RALGAPB: variants seen among roughly 807,000 people sequenced by gnomAD.
The protein encoded by RALGAPB is Ral GTPase activating protein non-catalytic subunit beta.
In RALGAPB, 25 loss-of-function variants were observed where a neutral mutation model predicts 161.1. The observed-to-expected ratio is 0.16, with a 90% CI of 0.11 to 0.22. RALGAPB has a LOEUF of 0.22. Ranked by LOEUF, RALGAPB falls within the 10% of genes least tolerant of loss-of-function variation. The pLI, the probability that RALGAPB is intolerant of heterozygous loss-of-function variation, is 1.00. For missense variants in RALGAPB, 1,391 were observed against 1,815.2 expected (o/e 0.77, Z 4.25); for synonymous variants, 629 against 626.1 (o/e 1.00, Z -0.07).
At chr20:38,566,568 A>AT (rs1487398402) in intron 25 of RALGAPB, among the ~76,000 whole-genome samples, 3 of 151,932 alleles carry the variant, frequency 2.0e-5, no homozygotes, top group Non-Finnish European at 4.4e-5. Flanking sequence ...ATATTTGGGG[A>AT]TTTTTTTGGA....
Position 38,539,877 on chromosome 20 carries a change from G to A in RALGAPB, c.2481G>A (p.Arg827=), listed in dbSNP as rs145323766. The part of the protein sequence containing the change: ...QCSRPAPLHS[R]DLHSMIVAAF... Reference sequence around the variant, plus strand: ...GTCGGCCAGCTCCTTTACACTCCAGGGATCTGCACTCCATGATAGTGGCAG... The same window carrying A: ...GTCGGCCAGCTCCTTTACACTCCAGAGATCTGCACTCCATGATAGTGGCAG... The change falls in exon 17 of 30, where the codon AGG becomes AGA. Residue 827 remains arginine, a synonymous_variant. Transcript: ENST00000262879. 15 of 1,614,036 alleles carry A rather than the reference G, an allele frequency of 9.3e-6. No individual in the cohort carries two copies. In the East Asian group the frequency reaches 1.1e-4, roughly 12 times the overall value.
At chr20:38,553,200 G>A (rs528963247) in intron 21 of RALGAPB, among the ~76,000 whole-genome samples, 5 of 152,178 alleles carry the variant, frequency 3.3e-5, no homozygotes, top group Non-Finnish European at 7.3e-5. Flanking sequence ...GGCCAAAATT[G>A]TGAAGGTTGA....
intron 15 of RALGAPB, among the ~76,000 whole-genome samples, chr20:38,534,156 A>AT: frequency 6.6e-6 from 1 of 151,112 alleles, no homozygotes; most frequent in South Asian, 2.1e-4. Context: ...AAAAAAAAAA[A>AT]CAGAAAACAA....
intron 16 of RALGAPB, among the ~76,000 whole-genome samples, chr20:38,536,228 G>A (rs1429279598): frequency 6.6e-6 from 1 of 152,140 alleles, no homozygotes; most frequent in Non-Finnish European, 1.5e-5. Context: ...ATCATACAAT[G>A]TGTGACCTTT....
intron 13 of RALGAPB, 103 bp downstream of exon 13, chr20:38,526,145 C>A: frequency 1.6e-6 from 2 of 1,253,508 alleles, no homozygotes; most frequent in Non-Finnish European, 2.2e-6. Flanking sequence ...CCTAATGTAG[C>A]TCTACTTACT....
intron 22 of RALGAPB, among the ~76,000 whole-genome samples, chr20:38,555,402 G>C (rs1271711915): frequency 6.6e-6 from 1 of 151,834 alleles, no homozygotes; most frequent in African/African-American, 2.4e-5. Context: ...TATTTTTTTT[G>C]TAGAAAATTG....
At chr20:38,566,891 G>A (rs1331260069) in intron 25 of RALGAPB, among the ~76,000 whole-genome samples, 1 of 152,184 alleles carries the variant, frequency 6.6e-6, no homozygotes, top group Non-Finnish European at 1.5e-5. Flanking sequence ...ATATAAAGAA[G>A]AATATGCGAG....
intron 13 of RALGAPB, among the ~76,000 whole-genome samples, chr20:38,528,724 A>G (rs1276678150): frequency 6.6e-6 from 1 of 151,512 alleles, no homozygotes; most frequent in Admixed American, 6.6e-5. Flanking sequence ...TGTGTCACCC[A>G]GGCTAGAGGG....
At chr20:38,516,455 T>A in intron 7 of RALGAPB, 85 bp downstream of exon 7, 1 of 1,253,018 alleles carries the variant, frequency 8.0e-7, no homozygotes, top group Non-Finnish European at 1.1e-6. Flanking sequence ...TTAGAAAACA[T>A]CCGAAGGAAA....
At chr20:38,521,734 G>A in intron 10 of RALGAPB, 36 bp downstream of exon 10, 1 of 1,602,796 alleles carries the variant, frequency 6.2e-7, no homozygotes, top group Non-Finnish European at 8.5e-7. Context: ...CATTTATATA[G>A]TTTTGATAGT....
intron 14 of RALGAPB, among the ~76,000 whole-genome samples, 181 bp from the exon 15 acceptor site, chr20:38,532,549 G>A (rs1445824925): frequency 6.6e-6 from 1 of 152,206 alleles, no homozygotes; most frequent in African/African-American, 2.4e-5. Context: ...ATACCCTCCA[G>A]TAGATTTGTG....
chr20:38,521,741 T>C, intron 10 of RALGAPB, 43 bp downstream of exon 10: 1 of 1,597,576 alleles, frequency 6.3e-7, no homozygotes, highest in Non-Finnish European at 8.6e-7. Context: ...ATAGTTTTGA[T>C]AGTGAAGCCA....
rs1259899163 is a variant in RALGAPB at position 38,531,212 on chromosome 20, T to C, written c.2096T>C (p.Ile699Thr). The change falls in exon 14 of 30, where the codon ATT becomes ACT. Residue 699 changes from isoleucine to threonine, a missense_variant. Ile to Thr is a moderately conservative substitution (Grantham distance 89). Around this residue, in one of 3 missense-constraint regions of RALGAPB, gnomAD observed 946 missense variants for 1,257.2 expected, o/e 0.75. Coordinates refer to ENST00000262879, the MANE Select transcript of RALGAPB (RefSeq NM_020336.4). Reference protein sequence around the residue: ...IVQDSALLEAIGCQMEMGGGE... With the variant: ...IVQDSALLEATGCQMEMGGGE... ...CAAGATTCAGCACTTTTGGAAGCCATTGGTTGCCAGATGGAGATGGTAAGA... is the reference window on the plus strand; with the variant it reads ...CAAGATTCAGCACTTTTGGAAGCCACTGGTTGCCAGATGGAGATGGTAAGA... The C allele has an allele frequency of 1.9e-6, 3 of 1,609,998 alleles. No individual in the cohort carries two copies. Among genetic ancestry groups the C allele is most frequent in the Admixed American group, 3.3e-5 (2 of 59,994 alleles).
rs78822631 is a variant in RALGAPB at position 38,497,215 on chromosome 20, G to A, written c.390-138G>A. The A allele has an allele frequency of 1.5e-4, 107 of 713,782 alleles. No homozygotes were observed. The African/African-American group carries it at 1.7e-3, about 12-fold the overall frequency. 44.2% of individuals were successfully genotyped at this position (713,782 alleles called of 1,614,324 possible). ...TAAGAAGTAGCTTTAAACTGAAGAC[G>A]GTATGCCTAGCCCTCTCTGCTGATA... On this transcript the variant is annotated intron_variant, in intron 3 of 29. Coordinates refer to ENST00000262879, the MANE Select transcript of RALGAPB (RefSeq NM_020336.4).
chr20:38,557,036 A>G (rs746843667), intron 22 of RALGAPB, among the ~76,000 whole-genome samples: 40 of 152,204 alleles, frequency 2.6e-4, no homozygotes, highest in Admixed American at 1.2e-3. Context: ...GGCTAGACTC[A>G]CAATCCTTGT....
At chr20:38,548,531 A>G (rs191691052) in intron 19 of RALGAPB, among the ~76,000 whole-genome samples, 158 bp from the exon 20 acceptor site, 7 of 152,380 alleles carry the variant, frequency 4.6e-5, no homozygotes, top group South Asian at 4.1e-4. Context: ...GTACACGGGT[A>G]TGGGTACGGC....
chr20:38,568,797 A>C (rs1286407335), intron 26 of RALGAPB: 1 of 152,106 alleles, frequency 6.6e-6, no homozygotes, highest in African/African-American at 2.4e-5. Flanking sequence ...TGTGACTATG[A>C]TAGGATAACT....
intron 1 of RALGAPB, among the ~76,000 whole-genome samples, chr20:38,486,840 T>A (rs1289173162): frequency 1.3e-5 from 2 of 152,216 alleles, no homozygotes; most frequent in Non-Finnish European, 1.5e-5. Context: ...CCTTCTGATA[T>A]CTTCCTTTTT....
At position 38,517,521 on chromosome 20, in the gene RALGAPB, G is replaced by A. The variant is rs773623043; in HGVS notation, c.1067G>A (p.Arg356Gln). The A allele has an allele frequency of 5.7e-6, 9 of 1,569,886 alleles. No homozygotes were observed. The highest frequency in any genetic ancestry group is 2.4e-5 in the South Asian group (2 of 84,034). Residue 356 changes from arginine (R) to glutamine (Q), a missense_variant, in exon 8 of 30, where the codon CGA becomes CAA. Arg to Gln is a conservative substitution (Grantham distance 43). Transcript: ENST00000262879. ...VDAFLGISRP[R>Q]SDSAPPTPVN... Reference sequence around the variant, plus strand: ...TTTTTTTAAGGTATTTCTAGACCCCGATCAGACAGTGCTCCCCCAACACCC... The same window carrying A: ...TTTTTTTAAGGTATTTCTAGACCCCAATCAGACAGTGCTCCCCCAACACCC...
Sources: allele counts gnomAD v4.1 joint callset (sites outside exome capture counted in the v4.1 genomes callset), GRCh38; gene constraint gnomAD v4.1.1; regional missense constraint gnomAD v4.1.1; transcripts MANE v1.5; gene names NCBI Gene and HGNC (gene_info 2026-07-23, HGNC 2026-07-21).